Variants in PRDM2 observed in about 807,000 individuals in gnomAD.
The protein encoded by PRDM2 is PR domain zinc finger protein 2.
A neutral mutation model predicts 130.0 loss-of-function variants in PRDM2; 30 were observed. That is an observed-to-expected ratio of 0.23 (90% confidence interval 0.17 to 0.31). PRDM2 has a LOEUF of 0.31. PRDM2 is among the 10% of genes least tolerant of loss of function. PRDM2 has a pLI of 1.00. For missense variants in PRDM2, 2,011 were observed against 2,108.4 expected (o/e 0.95, Z 0.90); for synonymous variants, 871 against 782.4 (o/e 1.11, Z -1.89).
intron 4 of PRDM2, among the ~76,000 whole-genome samples, chr1:13,735,959 C>T (rs1031905940): frequency 4.6e-5 from 7 of 152,100 alleles, no homozygotes; most frequent in African/African-American, 9.7e-5. Context: ...TATTTTCAGC[C>T]TCACACATAC....
chr1:13,732,757 A>C (rs777434748), intron 3 of PRDM2, 22 bp from the exon 4 acceptor site: 1 of 1,496,532 alleles, frequency 6.7e-7, no homozygotes, highest in African/African-American at 1.4e-5. Flanking sequence ...TACATTATAA[A>C]AATACTGATT....
At chr1:13,769,560 A>G in intron 6 of PRDM2, among the ~76,000 whole-genome samples, 1 of 152,170 alleles carries the variant, frequency 6.6e-6, no homozygotes, top group East Asian at 1.9e-4. Context: ...CTCTAGTCCA[A>G]GGCCCTCACG....
At chr1:13,816,684 T>C (rs1386649863) in intron 9 of PRDM2, 114 bp downstream of exon 9, 1 of 1,378,148 alleles carries the variant, frequency 7.3e-7, no homozygotes, top group East Asian at 2.4e-5. Flanking sequence ...ATTGCTTGTG[T>C]GTACCAGGCA....
chr1:13,726,036 G>C (rs547147273), intron 2 of PRDM2, among the ~76,000 whole-genome samples: 25 of 152,340 alleles, frequency 1.6e-4, no homozygotes, highest in African/African-American at 6.0e-4. Context: ...GCCACCTGCT[G>C]GCTGGGACTA....
At chr1:13,774,883 G>C (rs913907663) in intron 7 of PRDM2, among the ~76,000 whole-genome samples, 1 of 151,852 alleles carries the variant, frequency 6.6e-6, no homozygotes, top group Non-Finnish European at 1.5e-5. Flanking sequence ...CAGGAAAATG[G>C]TGTGAACCCA....
rs935530077 is a variant in PRDM2, at chr1:13,806,083, A to G, written c.5037-10344A>G. On this transcript the variant is annotated intron_variant, in intron 8 of 9. Coordinates refer to ENST00000311066, the MANE Select transcript of PRDM2 (RefSeq NM_001393986.1). The surrounding 1 kb of genome is among the most constrained non-coding windows in gnomAD (Gnocchi z 4.1). ...CAAACCAAGGTTATCAGCAGCCCCC[A>G]GGATGCTCAATGCAGTGGTTGGTTT... Among the ~76,000 whole-genome samples the G allele has an allele frequency of 2.0e-5, 3 of 152,092 alleles. No homozygotes were observed. The highest frequency in any genetic ancestry group is 4.4e-5 in the Non-Finnish European group (3 of 68,014).
chr1:13,765,389 C>G lies in PRDM2; in HGVS notation c.512-7689C>G, dbSNP rs1644200658. Among the ~76,000 whole-genome samples the G allele has an allele frequency of 1.3e-5, 2 of 152,216 alleles. 1 individual carries two copies. The highest frequency in any genetic ancestry group is 4.1e-4 in the South Asian group (2 of 4,834). On this transcript the variant is annotated intron_variant, in intron 6 of 9. Transcript: ENST00000311066. ...AACCCAACTGTAGAACGTTAAACTA[C>G]TAGGCACATATGCAGCAGAGCTGAG...
At chr1:13,757,164 G>A (rs190424756) in intron 6 of PRDM2, among the ~76,000 whole-genome samples, 29 of 152,342 alleles carry the variant, frequency 1.9e-4, no homozygotes, top group Admixed American at 1.5e-3. Flanking sequence ...GACACCTTCA[G>A]CTGTTTTTGC....
chr1:13,724,052 G>A (rs1642824740), intron 2 of PRDM2, among the ~76,000 whole-genome samples: 1 of 152,224 alleles, frequency 6.6e-6, no homozygotes. Context: ...TACTAGGTTA[G>A]GATAGTGGGG....
In PRDM2 at chr1:13,823,290, C is replaced by T. The variant is rs1047505994; in HGVS notation, c.*155C>T. 14 of 1,317,486 alleles carry T rather than the reference C, an allele frequency of 1.1e-5. No homozygotes were observed. The highest frequency in any genetic ancestry group is 8.8e-5 in the African/African-American group (6 of 68,342). 81.6% of individuals were successfully genotyped at this position (1,317,486 alleles called of 1,614,324 possible). On this transcript the variant is annotated 3_prime_UTR_variant, in exon 10 of 10. Coordinates refer to ENST00000311066, the MANE Select transcript of PRDM2 (RefSeq NM_001393986.1). The stretch of plus-strand genomic sequence containing the variant: ...ATGTGCGCGCGTGCATGTGTGCGTG[C>T]GTGTGTGTTCACGTGTTCTCGTGCG...
intron 6 of PRDM2, among the ~76,000 whole-genome samples, chr1:13,759,953 T>C (rs1323850256): frequency 6.6e-6 from 1 of 152,230 alleles, no homozygotes; most frequent in Admixed American, 6.5e-5. Flanking sequence ...TTAGGAATTT[T>C]GTTAATTGCT....
intron 7 of PRDM2, among the ~76,000 whole-genome samples, chr1:13,777,269 T>A (rs1267257212): frequency 1.3e-5 from 2 of 152,142 alleles, no homozygotes; most frequent in Non-Finnish European, 2.9e-5. Flanking sequence ...GCCACCATCC[T>A]GCCTCTCCTG....
At chr1:13,773,044 AT>A (rs779570006) in intron 6 of PRDM2, 33 bp from the exon 7 acceptor site, 14 of 1,216,238 alleles carry the variant, frequency 1.2e-5, no homozygotes, top group East Asian at 2.7e-5. Context: ...TAAAAAAAAA[AT>A]GAATGAATAA....
rs942618504 is a variant in PRDM2 at position 13,779,685 on chromosome 1, C to A, written c.1890C>A (p.Gly630=). ...VTEDLPKEPL[G]STNSEAKKRR... ...AAGATCTTCCTAAAGAGCCTTTGGG[C>A]AGCACAAATAGTGAGGCCAAGAAGC... is the stretch of plus-strand genomic sequence containing the variant. Residue 630 remains glycine, a synonymous_variant, in exon 8 of 10, where the codon GGC becomes GGA. Coordinates refer to ENST00000311066, the MANE Select transcript of PRDM2 (RefSeq NM_001393986.1). The surrounding 1 kb of genome is among the most constrained non-coding windows in gnomAD (Gnocchi z 4.9). The A allele has an allele frequency of 6.2e-6, 10 of 1,614,012 alleles. No individual in the cohort carries two copies. The highest frequency in any genetic ancestry group is 5.1e-6 in the Non-Finnish European group (6 of 1,179,998).
In PRDM2 at chr1:13,702,190, A is replaced by G. The variant is rs545292872; in HGVS notation, c.-66+1890A>G. Among the ~76,000 whole-genome samples the G allele has an allele frequency of 1.1e-3, 174 of 152,216 alleles. 3 individuals are homozygous for G. In the South Asian group the frequency reaches 0.035, roughly 31 times the overall value. On this transcript the variant is annotated intron_variant, in intron 1 of 9. Coordinates refer to ENST00000311066, the MANE Select transcript of PRDM2 (RefSeq NM_001393986.1). Reference sequence around the variant, plus strand: ...AGTTCATTCACATATATATATATTTATTTACATTTTATACAGGATTGATAA... The same window carrying G: ...AGTTCATTCACATATATATATATTTGTTTACATTTTATACAGGATTGATAA...
intron 7 of PRDM2, among the ~76,000 whole-genome samples, chr1:13,775,724 C>T (rs539140287): frequency 3.9e-5 from 6 of 152,192 alleles, no homozygotes; most frequent in Admixed American, 6.5e-5. Flanking sequence ...AGTAGCAGGC[C>T]TCTCAGATCG....
At chr1:13,711,904 A>G (rs545115240) in intron 1 of PRDM2, among the ~76,000 whole-genome samples, 1 of 152,176 alleles carries the variant, frequency 6.6e-6, no homozygotes, top group Non-Finnish European at 1.5e-5. Context: ...CTGGAAAGAA[A>G]TAAGTGCATT....
chr1:13,818,339 C>T (rs1490858153), intron 9 of PRDM2, among the ~76,000 whole-genome samples: 1 of 151,286 alleles, frequency 6.6e-6, no homozygotes, highest in Admixed American at 6.6e-5. Flanking sequence ...TTTCTTCCTT[C>T]TGCCTGCCCT....
intron 6 of PRDM2, among the ~76,000 whole-genome samples, chr1:13,761,669 T>C (rs1052639760): frequency 6.6e-6 from 1 of 152,148 alleles, no homozygotes; most frequent in African/African-American, 2.4e-5. Context: ...TAGGTGTTAC[T>C]TGATACTCAG....
Sources: gnomAD v4.1 joint callset for allele counts (sites outside exome capture counted in the v4.1 genomes callset) on GRCh38, gnomAD v4.1.1 for gene constraint, Gnocchi (gnomAD v3.1) non-coding constraint, MANE v1.5 for transcripts, NCBI Gene and HGNC (gene_info 2026-07-23, HGNC 2026-07-21) for gene names.